Variants in HSPA4L observed in about 807,000 individuals in gnomAD.
HSPA4L encodes heat shock protein family A (Hsp70) member 4 like.
A neutral mutation model predicts 100.3 loss-of-function variants in HSPA4L; 48 were observed. The ratio of observed to expected loss-of-function variants is 0.48; its 90% CI spans 0.38 to 0.61. HSPA4L has a LOEUF of 0.61. HSPA4L is among the 20% of genes least tolerant of loss of function. The pLI, the probability that HSPA4L is intolerant of heterozygous loss-of-function variation, is 0.00. For missense variants in HSPA4L, 886 were observed against 988.6 expected, an observed-to-expected ratio of 0.90 and a Z score of 1.39; for synonymous variants, 319 against 328.2, an observed-to-expected ratio of 0.97 and a Z score of 0.30.
At chr4:127,793,266 C>G (rs1396212489) in intron 1 of HSPA4L, among the ~76,000 whole-genome samples, 1 of 152,138 alleles carries the variant, frequency 6.6e-6, no homozygotes, top group African/African-American at 2.4e-5. Context: ...AGTCACCTCT[C>G]TTATCTAGAA....
In HSPA4L at chr4:127,837,937, T is replaced by A. The variant is rs1246901105; in HGVS notation, c.*5063T>A. On this transcript the variant is annotated 3_prime_UTR_variant, in exon 19 of 19. Transcript: ENST00000296464. Reference sequence around the variant, plus strand: ...CTCCTGCCTCAGCCTCCCAAGTAGCTGGGATTACAGGAACCCACCACCACG... The same window carrying A: ...CTCCTGCCTCAGCCTCCCAAGTAGCAGGGATTACAGGAACCCACCACCACG... 1 of 152,192 alleles carries A rather than the reference T, an allele frequency of 6.6e-6. No homozygotes were observed. 9.4% of individuals were successfully genotyped at this position (152,192 alleles called of 1,614,324 possible).
chr4:127,807,330 G>A (rs1407320717), intron 10 of HSPA4L, among the ~76,000 whole-genome samples: 1 of 151,980 alleles, frequency 6.6e-6, no homozygotes, highest in Non-Finnish European at 1.5e-5. Context: ...GGGGTAAAAT[G>A]CTGCAAAGGA....
chr4:127,783,792 A>G (rs982859137), intron 1 of HSPA4L: 3 of 930,178 alleles, frequency 3.2e-6, no homozygotes, highest in Admixed American at 2.5e-5. Flanking sequence ...TTACTATTCT[A>G]TGGAAAGCTT....
intron 6 of HSPA4L, among the ~76,000 whole-genome samples, chr4:127,802,317 C>T (rs1733212870): frequency 6.6e-6 from 1 of 152,124 alleles, no homozygotes; most frequent in African/African-American, 2.4e-5. Flanking sequence ...TCCAAGCGTT[C>T]TAATCGTAAT....
chr4:127,811,575 A>G lies in HSPA4L; in HGVS notation c.1517A>G (p.Asp506Gly). 6.2e-7 allele frequency: 1 copy of G among 1,614,060 alleles called. No individual in the cohort carries two copies. Among genetic ancestry groups the G allele is most frequent in the Non-Finnish European group, 8.5e-7 (1 of 1,179,982 alleles). ...ATTGAGAAGCAAAATTTGGAAGGCG[A>G]TCACAGTGATGCTCCAATGGAGACA... Reference protein sequence around the residue: ...SVIEKQNLEGDHSDAPMETET... With the variant: ...SVIEKQNLEGGHSDAPMETET... Residue 506 changes from aspartate to glycine, a missense_variant, in exon 12 of 19, where the codon GAT (aspartate) becomes GGT (glycine). Coordinates refer to ENST00000296464, the MANE Select transcript of HSPA4L (RefSeq NM_014278.4).
At chr4:127,794,495 G>T (rs1216363455) in intron 2 of HSPA4L, among the ~76,000 whole-genome samples, 2 of 151,834 alleles carry the variant, frequency 1.3e-5, no homozygotes, top group African/African-American at 4.8e-5. Flanking sequence ...AAATAAGGTA[G>T]GAAAAATGAA....
rs183326681 is a variant in HSPA4L at position 127,837,342 on chromosome 4, G to A, written c.*4468G>A. The A allele has an allele frequency of 6.6e-6, 1 of 152,132 alleles. No homozygotes were observed. Among genetic ancestry groups the A allele is most frequent in the African/African-American group, 2.4e-5 (1 of 41,416 alleles). The allele number at this position is 152,132 out of a possible 1,614,324, so 9.4% of individuals were successfully genotyped here. ...GAATTTTGTTTTGTGATATTTTATT[G>A]TATAAACTGTTAATGAGAGGCACAG... On this transcript the variant is annotated 3_prime_UTR_variant, in exon 19 of 19. Transcript: ENST00000296464.
intron 12 of HSPA4L, among the ~76,000 whole-genome samples, chr4:127,814,860 C>T (rs763487351): frequency 1.9e-4 from 29 of 152,046 alleles, no homozygotes; most frequent in Admixed American, 9.8e-4. Flanking sequence ...CCACCGTGCC[C>T]GGCCTGTGCA....
At chr4:127,821,813 G>A (rs1733820382) in intron 14 of HSPA4L, among the ~76,000 whole-genome samples, 1 of 152,110 alleles carries the variant, frequency 6.6e-6, no homozygotes, top group Non-Finnish European at 1.5e-5. Flanking sequence ...GAGTTAGATG[G>A]AATTATGCTC....
At chr4:127,810,493 C>G (rs1236145694) in intron 11 of HSPA4L, among the ~76,000 whole-genome samples, 1 of 152,172 alleles carries the variant, frequency 6.6e-6, no homozygotes, top group African/African-American at 2.4e-5. Context: ...CATGGTGGCT[C>G]ATGCCTGTAA....
intron 1 of HSPA4L, among the ~76,000 whole-genome samples, chr4:127,783,221 G>A (rs1489436090): frequency 6.6e-6 from 1 of 151,312 alleles, no homozygotes; most frequent in Non-Finnish European, 1.5e-5. Flanking sequence ...GGCATGTGGG[G>A]TTTTACAAAA....
intron 17 of HSPA4L, among the ~76,000 whole-genome samples, chr4:127,828,306 G>T (rs933098471): frequency 6.6e-6 from 1 of 152,102 alleles, no homozygotes; most frequent in Non-Finnish European, 1.5e-5. Context: ...AGGAAGAAGA[G>T]ACCAGCACCA....
Position 127,782,381 on chromosome 4 carries a change from T to C in HSPA4L, c.-170T>C. On this transcript the variant is annotated 5_prime_UTR_variant, in exon 1 of 19. Transcript: ENST00000296464. ...AGGCTGCGGCGCTGACGGCCTCTGC[T>C]CCTTCCGCGGGTTTCCGACTCCCTG... 1 of 616,792 alleles carries C rather than the reference T, an allele frequency of 1.6e-6. No individual in the cohort carries two copies. Among genetic ancestry groups the C allele is most frequent in the Non-Finnish European group, 2.9e-6 (1 of 339,850 alleles). The allele number at this position is 616,792 out of a possible 1,614,324, so 38.2% of individuals were successfully genotyped here. A position where few individuals can be genotyped will look rare whatever the true frequency, so the allele number is the denominator to read the frequency against.
chr4:127,809,810 A>C (rs1245991817), intron 11 of HSPA4L, among the ~76,000 whole-genome samples: 1 of 152,214 alleles, frequency 6.6e-6, no homozygotes, highest in Non-Finnish European at 1.5e-5. Context: ...GTAGATTTCC[A>C]AGAATCATTT....
intron 12 of HSPA4L, chr4:127,813,475 G>T: frequency 7.3e-6 from 2 of 275,406 alleles, no homozygotes; most frequent in South Asian, 8.6e-5. Context: ...TGTTAGTGAA[G>T]GTACAGTTTT....
chr4:127,795,809 G>A lies in HSPA4L; in HGVS notation c.207G>A (p.Lys69=). ...GAAATACAATTCATGGCTTCAAAAAGCTTCATGGGCGATCATTTGATGATC... is the reference window on the plus strand; with the variant it reads ...GAAATACAATTCATGGCTTCAAAAAACTTCATGGGCGATCATTTGATGATC... ...NVRNTIHGFK[K]LHGRSFDDPI... The change falls in exon 3 of 19, where the codon AAG becomes AAA. Residue 69 remains lysine (K), a synonymous_variant. Coordinates refer to ENST00000296464, the MANE Select transcript of HSPA4L (RefSeq NM_014278.4). The A allele has an allele frequency of 1.9e-6, 3 of 1,613,646 alleles. No individual in the cohort carries two copies. Among genetic ancestry groups the A allele is most frequent in the Admixed American group, 1.7e-5 (1 of 60,000 alleles).
chr4:127,809,396 T>A (rs1339021572), intron 11 of HSPA4L: 1 of 1,221,554 alleles, frequency 8.2e-7, no homozygotes, highest in African/African-American at 1.5e-5. Flanking sequence ...CTCATGCACA[T>A]TCATTTGGAT....
At chr4:127,830,936 A>G in intron 18 of HSPA4L, 137 bp downstream of exon 18, 1 of 582,226 alleles carries the variant, frequency 1.7e-6, no homozygotes, top group Non-Finnish European at 2.7e-6. Flanking sequence ...TTAGTTAAAA[A>G]ATTTTAAGAT....
rs760675719 is a variant in HSPA4L at position 127,795,834 on chromosome 4, C to T, written c.232C>T (p.Pro78Ser). The T allele has an allele frequency of 7.4e-6, 12 of 1,613,602 alleles. No homozygotes were observed. The Admixed American group carries it at 1.3e-4, about 18-fold the overall frequency. The change falls in exon 3 of 19, where the codon CCC becomes TCC. Residue 78 changes from proline (P) to serine (S), a missense_variant. Physicochemically the swap from Pro to Ser is moderately conservative, Grantham distance 74. Coordinates refer to ENST00000296464, the MANE Select transcript of HSPA4L (RefSeq NM_014278.4). ...GCTTCATGGGCGATCATTTGATGAT[C>T]CCATTGTGCAAACTGAAAGGATCAG... The part of the protein sequence containing the change: ...KKLHGRSFDD[P>S]IVQTERIRLP...
Sources: allele counts gnomAD v4.1 joint callset (sites outside exome capture counted in the v4.1 genomes callset), GRCh38; gene constraint gnomAD v4.1.1; transcripts MANE v1.5; gene names NCBI Gene and HGNC (gene_info 2026-07-23, HGNC 2026-07-21).